The following GALNT2 variants were observed in gnomAD, a reference collection of about 807,000 sequenced individuals.
GALNT2 encodes the protein UDP-GalNAc:polypeptide N-acetylgalactosaminyltransferase 2.
In GALNT2, 31 loss-of-function variants were observed where a neutral mutation model predicts 81.4. That is an observed-to-expected ratio of 0.38 (90% confidence interval 0.29 to 0.51). The LOEUF is 0.51. Among genes scored for constraint, GALNT2 ranks in the 20% least tolerant of loss-of-function variants. GALNT2 has a pLI of 0.87. For missense variants in GALNT2, 629 were observed against 765.7 expected (o/e 0.82, Z 2.11); for synonymous variants, 303 against 287.4 (o/e 1.05, Z -0.55).
chr1:230,206,734 G>A (rs920422745), intron 3 of GALNT2, among the ~76,000 whole-genome samples: 1 of 152,208 alleles, frequency 6.6e-6, no homozygotes, highest in African/African-American at 2.4e-5. Context: ...TCTGAAAGCA[G>A]TACAGGTGGA....
Position 230,280,297 on chromosome 1 carries a change from C to A in GALNT2, c.*839C>A. 1 of 294,158 alleles carries A rather than the reference C, an allele frequency of 3.4e-6. No individual in the cohort carries two copies. Among genetic ancestry groups the A allele is most frequent in the Non-Finnish European group, 6.8e-6 (1 of 147,484 alleles). 18.2% of individuals were successfully genotyped at this position (294,158 alleles called of 1,614,324 possible). A position where few individuals can be genotyped will look rare whatever the true frequency, so the allele number is the denominator to read the frequency against. The stretch of plus-strand genomic sequence containing the variant: ...TCCTCCAGACCACCGGCCTCGGCCC[C>A]GGCATCCCTGTTGGGCGTCAGCCTG... On this transcript the variant is annotated 3_prime_UTR_variant, in exon 16 of 16. Transcript: ENST00000366672.
intron 1 of GALNT2, among the ~76,000 whole-genome samples, chr1:230,104,239 C>A (rs1199782104): frequency 2.0e-5 from 3 of 152,150 alleles, no homozygotes; most frequent in Admixed American, 2.0e-4. Flanking sequence ...TGGCATAGAG[C>A]TCCCCGAACA....
chr1:230,166,963 C>T (rs959714721), intron 1 of GALNT2, among the ~76,000 whole-genome samples: 6 of 152,172 alleles, frequency 3.9e-5, no homozygotes, highest in African/African-American at 1.2e-4. Flanking sequence ...CTGGGCTGTA[C>T]TGCCAAGAAT....
chr1:230,143,541 G>A (rs763835098), intron 1 of GALNT2, among the ~76,000 whole-genome samples: 4 of 152,218 alleles, frequency 2.6e-5, no homozygotes, highest in Non-Finnish European at 4.4e-5. Flanking sequence ...CTGCTGACCT[G>A]TAAAGAGGCA....
chr1:230,110,069 C>A (rs1660658325), intron 1 of GALNT2, among the ~76,000 whole-genome samples: 1 of 152,170 alleles, frequency 6.6e-6, no homozygotes, highest in Admixed American at 6.5e-5. Context: ...GGTGTGCCTC[C>A]CACAGGCTGA....
chr1:230,182,774 C>T (rs1169216751), intron 2 of GALNT2, among the ~76,000 whole-genome samples: 1 of 152,200 alleles, frequency 6.6e-6, no homozygotes, highest in East Asian at 1.9e-4. Flanking sequence ...TTGAGTTCAA[C>T]TCTGTCCTTA....
At chr1:230,227,351 A>G (rs1664743537) in intron 3 of GALNT2, among the ~76,000 whole-genome samples, 1 of 151,902 alleles carries the variant, frequency 6.6e-6, no homozygotes, top group Non-Finnish European at 1.5e-5. Flanking sequence ...CCAGAAAAAG[A>G]AAGTATAAGA....
intron 1 of GALNT2, among the ~76,000 whole-genome samples, chr1:230,151,730 G>A (rs1662100450): frequency 6.6e-6 from 1 of 152,060 alleles, no homozygotes; most frequent in African/African-American, 2.4e-5. Flanking sequence ...AGGGTTCTTG[G>A]ATCTCGCTCA....
chr1:230,067,192 C>T (rs1167186750), upstream of GALNT2: 3 of 789,440 alleles, frequency 3.8e-6, no homozygotes, highest in Non-Finnish European at 4.9e-6. Context: ...CCCCTTCCTC[C>T]GCTCCTCCCC....
intron 3 of GALNT2, 58 bp downstream of exon 3, chr1:230,203,348 G>A (rs1020207806): frequency 4.1e-5 from 65 of 1,575,752 alleles, no homozygotes; most frequent in Non-Finnish European, 4.2e-5. Context: ...AAACCAGTAC[G>A]TCGCTTTCAC....
At chr1:230,091,207 T>C (rs1208317039) in intron 1 of GALNT2, among the ~76,000 whole-genome samples, 1 of 151,842 alleles carries the variant, frequency 6.6e-6, no homozygotes, top group Non-Finnish European at 1.5e-5. Flanking sequence ...TAGCTGGGAT[T>C]ACAGGTGTGT....
intron 1 of GALNT2, among the ~76,000 whole-genome samples, chr1:230,108,943 TG>T (rs1660618527): frequency 8.1e-6 from 1 of 123,182 alleles, no homozygotes; most frequent in East Asian, 2.5e-4. Context: ...AAGTCAGAAT[TG>T]TTAAGTCGAG....
chr1:230,063,048 C>G (rs879332695), upstream of GALNT2, among the ~76,000 whole-genome samples: 15 of 152,154 alleles, frequency 9.9e-5, no homozygotes, highest in Non-Finnish European at 1.9e-4. Flanking sequence ...CGCGGTGGCT[C>G]ACACCTGTAA....
chr1:230,167,848 C>G (rs1482652635), intron 1 of GALNT2, among the ~76,000 whole-genome samples: 1 of 152,136 alleles, frequency 6.6e-6, no homozygotes, highest in Non-Finnish European at 1.5e-5. Context: ...TGCCTGAGGG[C>G]TTCACCTCTC....
At chr1:230,237,131 A>G (rs1422793344) in intron 6 of GALNT2, among the ~76,000 whole-genome samples, 3 of 152,246 alleles carry the variant, frequency 2.0e-5, no homozygotes, top group Non-Finnish European at 4.4e-5. Flanking sequence ...AAGGTGAACC[A>G]TCCAAAATGG....
At chr1:230,091,323 C>G (rs981499906) in intron 1 of GALNT2, among the ~76,000 whole-genome samples, 1 of 151,908 alleles carries the variant, frequency 6.6e-6, no homozygotes, top group African/African-American at 2.4e-5. Context: ...ATACGGCCAC[C>G]TTGGCCTCCC....
At chr1:230,167,114 G>T (rs939320852) in intron 1 of GALNT2, among the ~76,000 whole-genome samples, 1 of 149,008 alleles carries the variant, frequency 6.7e-6, no homozygotes, top group African/African-American at 2.5e-5. Flanking sequence ...TCTTGGAGAT[G>T]CTCTTCAAAA....
chr1:230,129,492 AT>A (rs892972256), intron 1 of GALNT2, among the ~76,000 whole-genome samples: 2 of 151,622 alleles, frequency 1.3e-5, no homozygotes, highest in African/African-American at 4.8e-5. Flanking sequence ...TAACTTTTTA[AT>A]TTTTTTTGTA....
chr1:230,094,634 G>A (rs778356712), intron 1 of GALNT2, among the ~76,000 whole-genome samples: 2 of 152,096 alleles, frequency 1.3e-5, no homozygotes, highest in South Asian at 2.1e-4. Context: ...ATGAAACTCC[G>A]TCTCAAACAA....
Sources: gnomAD v4.1 joint callset for allele counts (sites outside exome capture counted in the v4.1 genomes callset) on GRCh38, gnomAD v4.1.1 for gene constraint, MANE v1.5 for transcripts, NCBI Gene and HGNC (gene_info 2026-07-23, HGNC 2026-07-21) for gene names.